Variants in CAST observed in about 807,000 individuals in gnomAD.
CAST encodes calpastatin.
A neutral mutation model predicts 119.6 loss-of-function variants in CAST; 76 were observed. The ratio of observed to expected loss-of-function variants is 0.64; its 90% CI spans 0.53 to 0.77. CAST has a LOEUF of 0.77. Among genes scored for constraint, CAST ranks in the 30% least tolerant of loss-of-function variants. The pLI, the probability that CAST is intolerant of heterozygous loss-of-function variation, is 0.00. For missense variants in CAST, 953 were observed against 946.5 expected (o/e 1.01, Z -0.09); for synonymous variants, 319 against 331.6 (o/e 0.96, Z 0.41).
chr5:96,742,817 A>T, intron 16 of CAST, 61 bp downstream of exon 16: 1 of 1,105,626 alleles, frequency 9.0e-7, no homozygotes, highest in African/African-American at 1.5e-5. Context: ...AACCGAATGC[A>T]CTCTGCATGT....
At chr5:96,543,388 G>GA (rs992423420) in intron 1 of CAST, among the ~76,000 whole-genome samples, 1 of 152,068 alleles carries the variant, frequency 6.6e-6, no homozygotes, top group African/African-American at 2.4e-5. Flanking sequence ...GTGGGGCTTG[G>GA]GGGGCAAGGG....
intron 11 of CAST, 66 bp downstream of exon 11, chr5:96,738,013 C>A: frequency 1.1e-6 from 1 of 913,636 alleles, no homozygotes; most frequent in South Asian, 1.4e-5. Context: ...AGGCCATGGT[C>A]ATGAAGTACA....
chr5:96,486,645 C>T, the CAST span, among the ~76,000 whole-genome samples: 1 of 152,160 alleles, frequency 6.6e-6, no homozygotes. Context: ...AGCATTTCTA[C>T]CAAAGCACTT....
intron 1 of CAST, among the ~76,000 whole-genome samples, chr5:96,646,919 G>A (rs937478208): frequency 1.3e-5 from 2 of 152,214 alleles, no homozygotes; most frequent in Non-Finnish European, 2.9e-5. Flanking sequence ...GATAGGAGGT[G>A]AAGGTGAAAC....
chr5:96,496,060 C>G, the CAST span, among the ~76,000 whole-genome samples: 1 of 151,938 alleles, frequency 6.6e-6, no homozygotes, highest in African/African-American at 2.4e-5. Flanking sequence ...ATACAAGTGG[C>G]TGGTCATAAA....
chr5:96,350,103 G>A, the CAST span, among the ~76,000 whole-genome samples: 1 of 152,154 alleles, frequency 6.6e-6, no homozygotes, highest in Admixed American at 6.5e-5. Flanking sequence ...AATTTAGAAA[G>A]TTTATTTTGC....
At chr5:96,402,817 G>A in the CAST span, among the ~76,000 whole-genome samples, 115 of 152,280 alleles carry the variant, frequency 7.6e-4, no homozygotes, top group African/African-American at 2.7e-3. Flanking sequence ...ACCCTGGAGA[G>A]TGACTGACAG....
At chr5:96,238,675 C>G in the CAST span, among the ~76,000 whole-genome samples, 3 of 151,714 alleles carry the variant, frequency 2.0e-5, no homozygotes, top group Non-Finnish European at 2.9e-5. Flanking sequence ...GCTGGGATTA[C>G]AGGCGTGAGC....
At chr5:96,322,612 G>A in the CAST span, among the ~76,000 whole-genome samples, 1 of 152,110 alleles carries the variant, frequency 6.6e-6, no homozygotes, top group African/African-American at 2.4e-5. Flanking sequence ...AGATGTTTCA[G>A]GCCTTCCCAT....
At chr5:96,135,191 A>T in the CAST span, among the ~76,000 whole-genome samples, 2 of 152,186 alleles carry the variant, frequency 1.3e-5, no homozygotes, top group Non-Finnish European at 2.9e-5. Context: ...TTAAACAAAT[A>T]ATTTATTTTA....
At chr5:96,441,811 C>T in the CAST span, among the ~76,000 whole-genome samples, 3 of 152,120 alleles carry the variant, frequency 2.0e-5, no homozygotes, top group Non-Finnish European at 2.9e-5. Flanking sequence ...CCTTGCCCAC[C>T]TCCTGGTATT....
the CAST span, among the ~76,000 whole-genome samples, chr5:96,439,463 G>T: frequency 1.3e-5 from 2 of 152,138 alleles, no homozygotes; most frequent in Admixed American, 1.3e-4. Flanking sequence ...TGAGGAATTG[G>T]CAGGCACCAA....
At chr5:96,571,104 T>C (rs1746558994) in intron 1 of CAST, among the ~76,000 whole-genome samples, 3 of 152,206 alleles carry the variant, frequency 2.0e-5, no homozygotes, top group South Asian at 2.1e-4. Context: ...ATGTCAAGCA[T>C]TGAGGAGTGG....
chr5:96,395,063 A>G, the CAST span: 1 of 1,493,126 alleles, frequency 6.7e-7, no homozygotes, highest in Non-Finnish European at 9.3e-7. Flanking sequence ...TATGTGTTTT[A>G]GATAATATAA....
the CAST span, among the ~76,000 whole-genome samples, chr5:96,344,285 T>G: frequency 1.4e-4 from 22 of 152,326 alleles, no homozygotes; most frequent in East Asian, 3.3e-3. Context: ...ATTATTCTCT[T>G]ATAGCCATGG....
At chr5:96,686,459 C>A (rs1752095138) in intron 2 of CAST, among the ~76,000 whole-genome samples, 1 of 152,126 alleles carries the variant, frequency 6.6e-6, no homozygotes, top group Admixed American at 6.5e-5. Flanking sequence ...AAGCTGGGTG[C>A]TCCCTGTCAT....
chr5:96,085,522 G>T, the CAST span, among the ~76,000 whole-genome samples: 1 of 152,190 alleles, frequency 6.6e-6, no homozygotes, highest in Non-Finnish European at 1.5e-5. Context: ...TCATCCACTG[G>T]CAGCATACAT....
chr5:96,746,293 A>G (rs754726704), intron 16 of CAST, 49 bp from the exon 17 acceptor site: 1 of 1,003,642 alleles, frequency 1.0e-6, no homozygotes, highest in Non-Finnish European at 1.6e-6. Context: ...ATATCATCTC[A>G]TTATGTGCAT....
At chr5:96,364,728 G>C in the CAST span, among the ~76,000 whole-genome samples, 1 of 152,060 alleles carries the variant, frequency 6.6e-6, no homozygotes, top group East Asian at 1.9e-4. Context: ...TTCTTTATTA[G>C]TCTTGCTGCA....
Sources: gnomAD v4.1 joint callset for allele counts (sites outside exome capture counted in the v4.1 genomes callset) on GRCh38, gnomAD v4.1.1 for gene constraint, MANE v1.5 for transcripts, NCBI Gene and HGNC (gene_info 2026-07-23, HGNC 2026-07-21) for gene names.